MAPKAPK5: variants seen among roughly 807,000 people sequenced by gnomAD.
MAPKAPK5 encodes MAPK activated protein kinase 5.
MAPKAPK5 carries 30 observed loss-of-function variants against 65.1 expected under a neutral mutation model. The ratio of observed to expected loss-of-function variants is 0.46; its 90% confidence interval spans 0.34 to 0.63. MAPKAPK5 has a LOEUF of 0.63. Among genes scored for constraint, MAPKAPK5 ranks in the 20% least tolerant of loss-of-function variants. The pLI, the probability that MAPKAPK5 is intolerant of heterozygous loss-of-function variation, is 0.01. For synonymous variants in MAPKAPK5, 179 were observed against 204.6 expected (o/e 0.87, Z 1.07); for missense variants, 433 against 581.4 (o/e 0.74, Z 2.63).
intron 7 of MAPKAPK5, among the ~76,000 whole-genome samples, chr12:111,874,443 C>T (rs1478208295): frequency 1.4e-5 from 2 of 147,368 alleles, no homozygotes; most frequent in Non-Finnish European, 1.5e-5. Context: ...TATAGAAATA[C>T]TAGTGTTTTT....
intron 8 of MAPKAPK5, among the ~76,000 whole-genome samples, chr12:111,881,421 T>TTTTTTTTTTTTTG (rs2070219884): frequency 6.8e-6 from 1 of 146,088 alleles, no homozygotes; most frequent in African/African-American, 2.6e-5. Context: ...TTTTTTTTTT[T>TTTTTTTTTTTTTG]TGAGACAGAG....
chr12:111,853,162 G>C (rs552949832), intron 1 of MAPKAPK5, among the ~76,000 whole-genome samples: 143 of 151,952 alleles, frequency 9.4e-4, no homozygotes, highest in Non-Finnish European at 7.4e-4. Context: ...TCAGGGGATC[G>C]AGTCCATCCT....
intron 1 of MAPKAPK5, among the ~76,000 whole-genome samples, chr12:111,862,039 A>G (rs1019854188): frequency 1.3e-5 from 2 of 152,234 alleles, no homozygotes; most frequent in Non-Finnish European, 2.9e-5. Context: ...GAATTAGTCC[A>G]TAATTTCCTT....
intron 7 of MAPKAPK5, among the ~76,000 whole-genome samples, chr12:111,871,620 G>A (rs1352182768): frequency 6.6e-6 from 1 of 152,106 alleles, no homozygotes; most frequent in Non-Finnish European, 1.5e-5. Flanking sequence ...TCTAGCTTGG[G>A]CGACAGAGCG....
chr12:111,854,592 C>T (rs2069180178), intron 1 of MAPKAPK5, among the ~76,000 whole-genome samples: 1 of 151,946 alleles, frequency 6.6e-6, no homozygotes, highest in Admixed American at 6.6e-5. Context: ...GGTGTGGTGG[C>T]TCACATCTGT....
Position 111,843,068 on chromosome 12 carries a change from A to G in MAPKAPK5, c.36+299A>G, listed in dbSNP as rs991298895. Reference sequence around the variant, plus strand: ...CAATGAATGGGACGAAGAGAGCCCTACTACTACTACTACACGTTTCGATCA... The same window carrying G: ...CAATGAATGGGACGAAGAGAGCCCTGCTACTACTACTACACGTTTCGATCA... On this transcript the variant is annotated intron_variant, in intron 1 of 13. Coordinates refer to ENST00000550735, the MANE Select transcript of MAPKAPK5 (RefSeq NM_003668.4). 20 of 391,898 alleles carry G rather than the reference A, an allele frequency of 5.1e-5. No individual in the cohort carries two copies. The East Asian group carries it at 6.2e-4, about 12-fold the overall frequency. The allele number at this position is 391,898 out of a possible 1,614,324, so 24.3% of individuals were successfully genotyped here.
At chr12:111,889,817 G>T in intron 12 of MAPKAPK5, 1 of 452,098 alleles carries the variant, frequency 2.2e-6, no homozygotes, top group Non-Finnish European at 4.1e-6. Flanking sequence ...AGACTCTGGG[G>T]CCATCAGTGG....
rs776521475 is a variant in MAPKAPK5 at position 111,885,987 on chromosome 12, C to T, written c.920C>T (p.Thr307Ile). The T allele has an allele frequency of 1.2e-6, 2 of 1,613,960 alleles. No individual in the cohort carries two copies. The highest frequency in any genetic ancestry group is 1.7e-6 in the Non-Finnish European group (2 of 1,179,880). The part of the protein sequence containing the change: ...GVLDHPWLNS[T>I]EALDNVLPSA... The stretch of plus-strand genomic sequence containing the variant: ...CTGGACCACCCCTGGCTCAATTCCA[C>T]CGAGGCCCTGGATAATGTGCTGCCT... Residue 307 changes from threonine (T) to isoleucine (I), a missense_variant, in exon 10 of 14, where the codon ACC (threonine) becomes ATC (isoleucine). Thr to Ile is a moderately conservative substitution (Grantham distance 89). Around this residue, in one of 3 missense-constraint regions of MAPKAPK5, gnomAD observed 169 missense variants for 215.6 expected, o/e 0.78. Coordinates refer to ENST00000550735, the MANE Select transcript of MAPKAPK5 (RefSeq NM_003668.4).
Position 111,896,591 on chromosome 12 carries a change from A to G in MAPKAPK5, c.*3530A>G, listed in dbSNP as rs1257581040. 1 of 152,212 alleles carries G rather than the reference A, an allele frequency of 6.6e-6. No individual in the cohort carries two copies. The highest frequency in any genetic ancestry group is 1.5e-5 in the Non-Finnish European group (1 of 68,028). 9.4% of individuals were successfully genotyped at this position (152,212 alleles called of 1,614,324 possible). On this transcript the variant is annotated 3_prime_UTR_variant, in exon 14 of 14. Coordinates refer to ENST00000550735, the MANE Select transcript of MAPKAPK5 (RefSeq NM_003668.4). ...TATCTTTCTCATATTTTTTGGCCTA[A>G]CAAACACCTATACCTGTGGAAACAT...
intron 13 of MAPKAPK5, among the ~76,000 whole-genome samples, chr12:111,892,175 GT>G (rs1333599631): frequency 6.6e-6 from 1 of 152,206 alleles, no homozygotes; most frequent in African/African-American, 2.4e-5. Context: ...GTATGAATGT[GT>G]GCTATATTTC....
intron 13 of MAPKAPK5, 132 bp from the exon 14 acceptor site, chr12:111,892,835 G>C (rs933973430): frequency 1.8e-6 from 1 of 546,486 alleles, no homozygotes; most frequent in African/African-American, 1.9e-5. Flanking sequence ...CTTTTGATCA[G>C]TGGTGGGGGT....
intron 10 of MAPKAPK5, among the ~76,000 whole-genome samples, chr12:111,886,488 AG>A (rs2070407145): frequency 1.3e-5 from 2 of 152,272 alleles, no homozygotes; most frequent in East Asian, 3.8e-4. Flanking sequence ...CCCAAAGAGA[AG>A]GCAGAACCCC....
Position 111,901,268 on chromosome 12 carries a change from G to A in MAPKAPK5, c.*8207G>A, listed in dbSNP as rs975595933. ...TTTCTGCCTGCAACCCAGAAAAAAC[G>A]TGTAATGGGAAGGGAGTTTGTAATG... On this transcript the variant is annotated 3_prime_UTR_variant, in exon 14 of 14. Coordinates refer to ENST00000550735, the MANE Select transcript of MAPKAPK5 (RefSeq NM_003668.4). 6 of 455,834 alleles carry A rather than the reference G, an allele frequency of 1.3e-5. No individual in the cohort carries two copies. Among genetic ancestry groups the A allele is most frequent in the Non-Finnish European group, 2.2e-5 (5 of 226,804 alleles). The allele number at this position is 455,834 out of a possible 1,614,324, so 28.2% of individuals were successfully genotyped here.
intron 1 of MAPKAPK5, among the ~76,000 whole-genome samples, chr12:111,854,171 A>C (rs2069167843): frequency 6.6e-6 from 1 of 152,044 alleles, no homozygotes; most frequent in Non-Finnish European, 1.5e-5. Context: ...CAAGTTAGAA[A>C]GTATACCCTC....
chr12:111,857,910 T>C (rs959068429), intron 1 of MAPKAPK5, among the ~76,000 whole-genome samples: 2 of 151,956 alleles, frequency 1.3e-5, no homozygotes, highest in African/African-American at 4.8e-5. Context: ...TGTTTGTGTG[T>C]GTGTGTGAGA....
chr12:111,856,179 A>G (rs751665974), intron 1 of MAPKAPK5, among the ~76,000 whole-genome samples: 1 of 151,970 alleles, frequency 6.6e-6, no homozygotes, highest in Non-Finnish European at 1.5e-5. Context: ...CTGAATATGT[A>G]TGGATTTCCC....
chr12:111,868,759 A>G lies in MAPKAPK5; in HGVS notation c.291A>G (p.Arg97=). The G allele has an allele frequency of 6.5e-7, 1 of 1,548,880 alleles. No individual in the cohort carries two copies. ...ATCAAATGCTTTCAAACAGGGCCCG[A>G]CTCTTAATTGTAATGGAGATGATGG... is the stretch of plus-strand genomic sequence containing the variant. ...QFPHESSPRA[R]LLIVMEMMEG... Residue 97 remains arginine (R), a synonymous_variant, in exon 5 of 14, where the codon CGA becomes CGG. Coordinates refer to ENST00000550735, the MANE Select transcript of MAPKAPK5 (RefSeq NM_003668.4).
chr12:111,901,082 A>G lies in MAPKAPK5; in HGVS notation c.*8021A>G, dbSNP rs779001129. ...CAGGCTTACCAAAAATCAATCTCCA[A>G]CATACAATGATTCAGGTCCCTCAGG... On this transcript the variant is annotated 3_prime_UTR_variant, in exon 14 of 14. Transcript: ENST00000550735. 1.8e-5 allele frequency: 8 copies of G among 455,970 alleles called. No individual in the cohort carries two copies. The highest frequency in any genetic ancestry group is 7.7e-5 in the South Asian group (5 of 64,564). 28.2% of individuals were successfully genotyped at this position (455,970 alleles called of 1,614,324 possible).
Position 111,865,257 on chromosome 12 carries a change from C to G in MAPKAPK5, c.44C>G (p.Ser15Cys). Residue 15 changes from serine (S) to cysteine (C), a missense_variant, in exon 2 of 14, where the codon TCC (serine) becomes TGC (cysteine). Physicochemically the swap from Ser to Cys is moderately radical, Grantham distance 112 (BLOSUM62 -1). Transcript: ENST00000550735. ...CTTTTTTTATATTAATAGGAAACTT[C>G]CATTTTAGAAGAATACAGTATCAAT... ...SDMDKAIKET[S>C]ILEEYSINWT... The G allele has an allele frequency of 6.3e-6, 10 of 1,575,128 alleles. No homozygotes were observed. The highest frequency in any genetic ancestry group is 8.6e-6 in the Non-Finnish European group (10 of 1,158,292).
Sources: gnomAD v4.1 joint callset for allele counts (sites outside exome capture counted in the v4.1 genomes callset) on GRCh38, gnomAD v4.1.1 for gene constraint, gnomAD v4.1.1 regional missense constraint, MANE v1.5 for transcripts, NCBI Gene and HGNC (gene_info 2026-07-23, HGNC 2026-07-21) for gene names.